The following ANKS1B variants were observed in gnomAD, a reference collection of about 807,000 sequenced individuals.
ANKS1B encodes the protein ankyrin repeat and sterile alpha motif domain containing 1B, also known as ankyrin repeat and sterile alpha motif domain-containing protein 1B.
A neutral mutation model predicts 148.3 loss-of-function variants in ANKS1B; 36 were observed. That is an observed-to-expected ratio of 0.24 (90% CI 0.19 to 0.32). The LOEUF (loss-of-function observed/expected upper bound fraction) is 0.32. ANKS1B is among the 10% of genes least tolerant of loss of function. The pLI is 1.00. For missense variants in ANKS1B, 1,157 were observed against 1,542.6 expected (o/e 0.75, Z 4.19); for synonymous variants, 542 against 560.8 (o/e 0.97, Z 0.47).
intron 1 of ANKS1B, among the ~76,000 whole-genome samples, chr12:99,871,675 A>G (rs1468533392): frequency 6.6e-6 from 1 of 152,070 alleles, no homozygotes; most frequent in Non-Finnish European, 1.5e-5. Context: ...GTGTGTAGCT[A>G]TTGTAAGTGA....
chr12:99,423,824 C>A (rs185062662), intron 11 of ANKS1B, among the ~76,000 whole-genome samples: 2 of 152,056 alleles, frequency 1.3e-5, no homozygotes, highest in Non-Finnish European at 2.9e-5. Context: ...ATAACACACA[C>A]TGGGACCTAT....
At chr12:99,513,632 G>C (rs1193973564) in intron 9 of ANKS1B, among the ~76,000 whole-genome samples, 5 of 151,902 alleles carry the variant, frequency 3.3e-5, no homozygotes, top group Admixed American at 1.3e-4. Context: ...AAAGAACCTG[G>C]GATATGGTTC....
At chr12:99,496,812 T>A (rs1204241998) in intron 10 of ANKS1B, among the ~76,000 whole-genome samples, 1 of 152,188 alleles carries the variant, frequency 6.6e-6, no homozygotes, top group East Asian at 1.9e-4. Flanking sequence ...GAAAGTTAAC[T>A]TTGATTTTCT....
chr12:99,408,925 G>A (rs56211958), intron 11 of ANKS1B, among the ~76,000 whole-genome samples: 12,534 of 116,022 alleles, frequency 0.11, 2,889 homozygotes, highest in African/African-American at 0.37. Flanking sequence ...TACAACCAAT[G>A]TAGAGAAAAA....
At chr12:99,180,632 T>G (rs1017055132) in intron 14 of ANKS1B, among the ~76,000 whole-genome samples, 21 of 151,534 alleles carry the variant, frequency 1.4e-4, no homozygotes, top group African/African-American at 4.8e-4. Flanking sequence ...AAGGGTTTTT[T>G]TTTTTTTTTT....
At chr12:99,056,432 C>T (rs2040204724) in intron 16 of ANKS1B, among the ~76,000 whole-genome samples, 1 of 152,198 alleles carries the variant, frequency 6.6e-6, no homozygotes, top group African/African-American at 2.4e-5. Context: ...TGTTTAGGTT[C>T]TTGTTAGTGC....
chr12:99,678,921 CA>C (rs1467031736), intron 8 of ANKS1B, among the ~76,000 whole-genome samples: 1 of 151,524 alleles, frequency 6.6e-6, no homozygotes, highest in African/African-American at 2.4e-5. Context: ...AGAGGACACA[CA>C]AAAAAATGGG....
chr12:98,813,541 T>A (rs2099115189), intron 19 of ANKS1B, among the ~76,000 whole-genome samples: 2 of 151,682 alleles, frequency 1.3e-5, no homozygotes, highest in South Asian at 4.2e-4. Context: ...TGTTTTTTTT[T>A]TTCTTTTTTG....
chr12:99,685,560 C>G (rs956487367), intron 8 of ANKS1B, among the ~76,000 whole-genome samples: 1 of 152,112 alleles, frequency 6.6e-6, no homozygotes, highest in African/African-American at 2.4e-5. Flanking sequence ...ACCGTTTGAT[C>G]CAGCAATCCC....
chr12:99,214,312 A>G (rs1197300610), intron 14 of ANKS1B, among the ~76,000 whole-genome samples: 1 of 152,154 alleles, frequency 6.6e-6, no homozygotes, highest in East Asian at 1.9e-4. Context: ...TTCATTTCTT[A>G]TTAGCCTTGT....
intron 17 of ANKS1B, among the ~76,000 whole-genome samples, chr12:98,975,188 T>A (rs1385959031): frequency 9.0e-5 from 12 of 134,016 alleles, no homozygotes; most frequent in African/African-American, 3.4e-4. Context: ...CTCCCTTTCC[T>A]CTTCCTTCCT....
chr12:99,110,788 A>G (rs2060136699), intron 15 of ANKS1B, among the ~76,000 whole-genome samples: 1 of 152,026 alleles, frequency 6.6e-6, no homozygotes, highest in Non-Finnish European at 1.5e-5. Flanking sequence ...TTTTTGTTTG[A>G]TAACTTCCTG....
chr12:98,780,457 A>T lies in ANKS1B; in HGVS notation c.3441+660T>A, dbSNP rs78353849. Reference sequence around the variant, plus strand: ...AAGGAATGCTTTTTCAGTAAAATGCAACCCCACTGACCACGCTTGACATCA... The same window carrying T: ...AAGGAATGCTTTTTCAGTAAAATGCTACCCCACTGACCACGCTTGACATCA... On this transcript the variant is annotated intron_variant, in intron 24 of 26. Coordinates refer to ENST00000683438, the MANE Select transcript of ANKS1B (RefSeq NM_001352186.2). Among the ~76,000 whole-genome samples the T allele has an allele frequency of 4.8e-3, 734 of 152,314 alleles. 6 individuals are homozygous for T. The highest frequency in any genetic ancestry group is 9.1e-3 in the South Asian group (44 of 4,824).
intron 8 of ANKS1B, among the ~76,000 whole-genome samples, chr12:99,677,265 G>A (rs2098580849): frequency 6.6e-6 from 1 of 152,160 alleles, no homozygotes; most frequent in Non-Finnish European, 1.5e-5. Context: ...GGAGGGCCAT[G>A]CACCATTACA....
chr12:99,528,248 T>C (rs1424522797), intron 9 of ANKS1B, among the ~76,000 whole-genome samples: 1 of 151,816 alleles, frequency 6.6e-6, no homozygotes, highest in Admixed American at 6.6e-5. Flanking sequence ...GACTTAAATA[T>C]AAAACCTAAA....
intron 10 of ANKS1B, among the ~76,000 whole-genome samples, chr12:99,495,522 T>C (rs1440364859): frequency 1.3e-5 from 2 of 152,200 alleles, no homozygotes; most frequent in African/African-American, 4.8e-5. Flanking sequence ...CCTTGATTTC[T>C]CTCTTTGCCC....
At chr12:99,884,003 A>T (rs1603431533) in intron 1 of ANKS1B, among the ~76,000 whole-genome samples, 1 of 105,682 alleles carries the variant, frequency 9.5e-6, no homozygotes, top group South Asian at 3.0e-4. Flanking sequence ...ACAACTCATT[A>T]AAAAAAATAA....
Position 99,881,408 on chromosome 12 carries a change from G to A in ANKS1B, c.135-56019C>T, listed in dbSNP as rs895638495. Among the ~76,000 whole-genome samples the A allele has an allele frequency of 5.3e-5, 8 of 152,264 alleles. No homozygotes were observed. In the South Asian group the frequency reaches 1.5e-3, roughly 28 times the overall value. ...ATAGAAGTGTAGTCCACAAGAGAGA[G>A]GCAAACTCCTACTGCTTTTTCTCTC... On this transcript the variant is annotated intron_variant, in intron 1 of 26. Transcript: ENST00000683438.
chr12:98,992,647 T>C (rs1199100478), intron 17 of ANKS1B, among the ~76,000 whole-genome samples: 2 of 152,188 alleles, frequency 1.3e-5, no homozygotes, highest in Non-Finnish European at 2.9e-5. Context: ...CTTTATAAAT[T>C]ACCCAGTCTC....
Sources: gnomAD v4.1 joint callset for allele counts (sites outside exome capture counted in the v4.1 genomes callset) on GRCh38, gnomAD v4.1.1 for gene constraint, MANE v1.5 for transcripts, NCBI Gene and HGNC (gene_info 2026-07-23, HGNC 2026-07-21) for gene names.